The following GABBR2 variants were observed in gnomAD, a reference collection of about 807,000 sequenced individuals.
GABBR2 encodes the protein G-protein coupled receptor 51.
In GABBR2, 23 loss-of-function variants were observed where a neutral mutation model predicts 105.6. That is an observed-to-expected ratio of 0.22 (90% CI 0.16 to 0.31). The LOEUF is 0.31. Among genes scored for constraint, GABBR2 ranks in the 10% least tolerant of loss-of-function variants. GABBR2 has a pLI of 1.00. For missense variants in GABBR2, 734 were observed against 1,245.5 expected (o/e 0.59, Z 6.18); for synonymous variants, 478 against 499.7 (o/e 0.96, Z 0.58).
chr9:98,518,181 C>G (rs980241725), intron 3 of GABBR2, among the ~76,000 whole-genome samples: 5 of 152,168 alleles, frequency 3.3e-5, no homozygotes, highest in Non-Finnish European at 7.3e-5. Context: ...AGTTGATGCT[C>G]GTGACTCCAG....
rs3032163 is a variant in GABBR2 at position 98,658,389 on chromosome 9, TTGAATGAA to T, written c.321+50020_321+50027del. 2.6e-3 allele frequency among the ~76,000 whole-genome samples: 385 copies of T among 149,650 alleles called. 5 individuals are homozygous for T. Among genetic ancestry groups the T allele is most frequent in the South Asian group, 0.013 (61 of 4,648 alleles). On this transcript the variant is annotated intron_variant, in intron 1 of 18. Coordinates refer to ENST00000259455, the MANE Select transcript of GABBR2 (RefSeq NM_005458.8). Reference sequence around the variant, plus strand: ...ACAGCTTCAGTGGAGAGCCACTGTGTTGAATGAATGAATGAATGAATGAATGAATGAAT... The same window carrying T: ...ACAGCTTCAGTGGAGAGCCACTGTGTTGAATGAATGAATGAATGAATGAAT...
chr9:98,645,328 T>C (rs1245423246), intron 1 of GABBR2, among the ~76,000 whole-genome samples: 1 of 152,142 alleles, frequency 6.6e-6, no homozygotes, highest in Non-Finnish European at 1.5e-5. Flanking sequence ...GCGTCCAGCC[T>C]TGGGGAGTGG....
At chr9:98,492,504 T>C (rs1827199158) in intron 4 of GABBR2, among the ~76,000 whole-genome samples, 2 of 152,134 alleles carry the variant, frequency 1.3e-5, no homozygotes, top group Admixed American at 1.3e-4. Context: ...TGAATAAATA[T>C]TGATGTTATT....
chr9:98,474,528 C>T (rs1037676261), intron 5 of GABBR2, among the ~76,000 whole-genome samples: 8 of 152,164 alleles, frequency 5.3e-5, no homozygotes. Context: ...GAAATTTCCT[C>T]TGTGCATTGA....
chr9:98,340,449 G>A (rs371659653), intron 13 of GABBR2, among the ~76,000 whole-genome samples: 36 of 150,622 alleles, frequency 2.4e-4, no homozygotes, highest in African/African-American at 8.3e-4. Flanking sequence ...TTTTTGAGAC[G>A]GGGTCTCGTC....
At chr9:98,507,948 T>C (rs13295101) in intron 3 of GABBR2, among the ~76,000 whole-genome samples, 52,483 of 151,992 alleles carry the variant, frequency 0.35, 9,327 homozygotes, top group Middle Eastern at 0.5. Flanking sequence ...CCCTCATTTT[T>C]CAAGGACCTC....
intron 3 of GABBR2, among the ~76,000 whole-genome samples, chr9:98,533,396 G>A (rs1828105835): frequency 6.6e-6 from 1 of 152,110 alleles, no homozygotes; most frequent in Non-Finnish European, 1.5e-5. Context: ...CTCTTCACAA[G>A]CCTGGATGCT....
At chr9:98,457,398 G>A (rs1014790503) in intron 6 of GABBR2, among the ~76,000 whole-genome samples, 1 of 152,216 alleles carries the variant, frequency 6.6e-6, no homozygotes, top group Non-Finnish European at 1.5e-5. Context: ...GGTGGTAACT[G>A]AGTGTAATTT....
intron 12 of GABBR2, among the ~76,000 whole-genome samples, chr9:98,370,238 G>A (rs755256135): frequency 3.9e-5 from 6 of 152,114 alleles, no homozygotes; most frequent in Non-Finnish European, 8.8e-5. Flanking sequence ...GGTGACCCCA[G>A]GGTGGAGAAC....
At chr9:98,450,844 T>C (rs997938948) in intron 7 of GABBR2, among the ~76,000 whole-genome samples, 8 of 152,210 alleles carry the variant, frequency 5.3e-5, no homozygotes, top group Non-Finnish European at 1.2e-4. Flanking sequence ...GTAAGGATTA[T>C]GTATTATTTG....
At chr9:98,297,600 C>T (rs767970769) in intron 17 of GABBR2, among the ~76,000 whole-genome samples, 5 of 150,510 alleles carry the variant, frequency 3.3e-5, no homozygotes, top group East Asian at 2.0e-4. Context: ...GCAACAAGAG[C>T]GAAACCCCGT....
At chr9:98,560,442 T>TAC (rs140755037) in intron 2 of GABBR2, among the ~76,000 whole-genome samples, 4 of 137,158 alleles carry the variant, frequency 2.9e-5, no homozygotes, top group Non-Finnish European at 6.6e-5. Context: ...CACACACACA[T>TAC]ACACACACAC....
At position 98,585,941 on chromosome 9, in the gene GABBR2, C is replaced by T. The variant is rs570166428; in HGVS notation, c.322-7869G>A. ...CCCCAAAATCTGAAACATTTCTAGACCCAAGTATTTTGGATAAGGGGTACT... is the reference window on the plus strand; with the variant it reads ...CCCCAAAATCTGAAACATTTCTAGATCCAAGTATTTTGGATAAGGGGTACT... On this transcript the variant is annotated intron_variant, in intron 1 of 18. Coordinates refer to ENST00000259455, the MANE Select transcript of GABBR2 (RefSeq NM_005458.8). 7.0e-4 allele frequency among the ~76,000 whole-genome samples: 27 copies of T among 38,450 alleles called. 8 individuals are homozygous for T. The highest frequency in any genetic ancestry group is 2.5e-3 in the African/African-American group (25 of 10,180). The allele number at this position is 38,450 out of a possible 152,430, so 25.2% of individuals were successfully genotyped here. A position where few individuals can be genotyped will look rare whatever the true frequency, so the allele number is the denominator to read the frequency against.
intron 1 of GABBR2, among the ~76,000 whole-genome samples, chr9:98,631,050 G>A (rs1404946845): frequency 6.6e-6 from 1 of 152,180 alleles, no homozygotes; most frequent in Non-Finnish European, 1.5e-5. Flanking sequence ...CTGCTGGGGA[G>A]TGAAGAAAAC....
At chr9:98,636,485 C>CTTTTTTTT (rs10559312) in intron 1 of GABBR2, among the ~76,000 whole-genome samples, 1 of 66,174 alleles carries the variant, frequency 1.5e-5, no homozygotes, top group Non-Finnish European at 2.6e-5. Flanking sequence ...TCTTTCCTTT[C>CTTTTTTTT]TTTTTTTTTT....
intron 7 of GABBR2, among the ~76,000 whole-genome samples, chr9:98,435,534 C>T (rs975178211): frequency 2.6e-5 from 4 of 152,272 alleles, no homozygotes; most frequent in Middle Eastern, 3.4e-3. Flanking sequence ...CTGACCTGCT[C>T]TCCCCACCAC....
At chr9:98,568,670 A>G (rs1399772903) in intron 2 of GABBR2, among the ~76,000 whole-genome samples, 4 of 152,156 alleles carry the variant, frequency 2.6e-5, no homozygotes, top group Admixed American at 2.6e-4. Flanking sequence ...TGGCCTTTGC[A>G]GTGGCCTTCA....
chr9:98,321,047 C>T (rs991074775), intron 13 of GABBR2, among the ~76,000 whole-genome samples: 6 of 151,984 alleles, frequency 3.9e-5, no homozygotes, highest in Non-Finnish European at 7.4e-5. Context: ...ACCACTGGTG[C>T]ATTTGTGACC....
chr9:98,329,974 T>C (rs967186705), intron 13 of GABBR2, among the ~76,000 whole-genome samples: 3 of 152,022 alleles, frequency 2.0e-5, no homozygotes, highest in Admixed American at 6.5e-5. Context: ...AACCACAATA[T>C]TATCATATCT....
Sources: gnomAD v4.1 joint callset for allele counts (sites outside exome capture counted in the v4.1 genomes callset) on GRCh38, gnomAD v4.1.1 for gene constraint, MANE v1.5 for transcripts, NCBI Gene and HGNC (gene_info 2026-07-23, HGNC 2026-07-21) for gene names.